EXOC4: variants seen among roughly 807,000 people sequenced by gnomAD.
EXOC4 encodes SEC8-like 1.
In EXOC4, 71 loss-of-function variants were observed where a neutral mutation model predicts 107.2. That is an observed-to-expected ratio of 0.66 (90% CI 0.55 to 0.81). The LOEUF is 0.81. Among genes scored for constraint, EXOC4 ranks in the 30% least tolerant of loss-of-function variants. The pLI, the probability that EXOC4 is intolerant of heterozygous loss-of-function variation, is 0.00. For missense variants in EXOC4, 1,108 were observed against 1,189.6 expected, an observed-to-expected ratio of 0.93 and a Z score of 1.01; for synonymous variants, 456 against 441.2, an observed-to-expected ratio of 1.03 and a Z score of -0.42.
chr7:133,428,071 C>T (rs967566879), intron 7 of EXOC4, among the ~76,000 whole-genome samples: 1 of 152,278 alleles, frequency 6.6e-6, no homozygotes, highest in Non-Finnish European at 1.5e-5. Context: ...AAAAGTGCTC[C>T]AGCCTAATGG....
chr7:133,740,583 C>T (rs969480174), intron 10 of EXOC4, among the ~76,000 whole-genome samples: 1 of 152,112 alleles, frequency 6.6e-6, no homozygotes, highest in African/African-American at 2.4e-5. Flanking sequence ...ACCTTCTTTC[C>T]CACGATGACA....
intron 9 of EXOC4, among the ~76,000 whole-genome samples, chr7:133,488,590 GA>G (rs1227927773): frequency 6.6e-6 from 1 of 151,894 alleles, no homozygotes; most frequent in Non-Finnish European, 1.5e-5. Flanking sequence ...ATGCATATAG[GA>G]AAAAAACAAA....
intron 10 of EXOC4, among the ~76,000 whole-genome samples, chr7:133,710,448 C>A (rs911915048): frequency 2.0e-5 from 3 of 151,854 alleles, no homozygotes; most frequent in African/African-American, 7.3e-5. Context: ...ATCACGAGGT[C>A]AGGAGATCGA....
intron 11 of EXOC4, among the ~76,000 whole-genome samples, chr7:133,842,870 AT>A (rs1465982709): frequency 4.6e-5 from 7 of 152,192 alleles, no homozygotes; most frequent in Non-Finnish European, 1.0e-4. Context: ...CTAGCCAGTT[AT>A]CCCAGCACCA....
intron 9 of EXOC4, among the ~76,000 whole-genome samples, chr7:133,497,653 A>G (rs192819263): frequency 1.4e-3 from 205 of 151,568 alleles, no homozygotes; most frequent in African/African-American, 4.8e-3. Flanking sequence ...CTGGTCTCAA[A>G]CCCCTGACCT....
At chr7:133,922,315 T>C (rs2116656604) in intron 13 of EXOC4, among the ~76,000 whole-genome samples, 1 of 152,290 alleles carries the variant, frequency 6.6e-6, no homozygotes, top group African/African-American at 2.4e-5. Flanking sequence ...TCTTTCTAGT[T>C]ACTGCCTGCC....
intron 5 of EXOC4, among the ~76,000 whole-genome samples, chr7:133,329,963 T>C (rs1161003): frequency 0.33 from 49,829 of 152,084 alleles, 10,195 homozygotes; most frequent in East Asian, 0.52. Flanking sequence ...CTGGGAGATC[T>C]GTTGCTCTCT....
chr7:134,089,940 GC>G, the EXOC4 span, among the ~76,000 whole-genome samples: 1 of 152,164 alleles, frequency 6.6e-6, no homozygotes, highest in African/African-American at 2.4e-5. Context: ...TGACCTTAAA[GC>G]ATTTAGTAAA....
At chr7:133,485,321 C>T (rs1006409620) in intron 9 of EXOC4, among the ~76,000 whole-genome samples, 11 of 151,684 alleles carry the variant, frequency 7.3e-5, no homozygotes, top group Middle Eastern at 3.4e-3. Flanking sequence ...TTGATCTTTC[C>T]GCTGTTTTTC....
At chr7:133,490,920 A>G (rs1449108261) in intron 9 of EXOC4, among the ~76,000 whole-genome samples, 2 of 152,222 alleles carry the variant, frequency 1.3e-5, no homozygotes, top group East Asian at 1.9e-4. Context: ...ATAGCATATT[A>G]TATTAGACTC....
intron 10 of EXOC4, 94 bp downstream of exon 10, chr7:133,630,235 C>A: frequency 3.2e-6 from 3 of 927,646 alleles, no homozygotes; most frequent in South Asian, 1.6e-5. Context: ...AGCACTGAAA[C>A]AAGTCATAAA....
At chr7:134,100,935 T>TC in the EXOC4 span, among the ~76,000 whole-genome samples, 1 of 124,326 alleles carries the variant, frequency 8.0e-6, no homozygotes, top group South Asian at 2.5e-4. Flanking sequence ...AGAGCAAGAC[T>TC]CCATCTAAAA....
intron 7 of EXOC4, among the ~76,000 whole-genome samples, chr7:133,404,251 C>T (rs1261750359): frequency 6.6e-6 from 1 of 152,134 alleles, no homozygotes; most frequent in African/African-American, 2.4e-5. Context: ...AGGCGCCCGC[C>T]ACTACGCCCG....
At chr7:133,514,484 C>T (rs1023433488) in intron 9 of EXOC4, among the ~76,000 whole-genome samples, 2 of 152,072 alleles carry the variant, frequency 1.3e-5, no homozygotes, top group Non-Finnish European at 2.9e-5. Flanking sequence ...ATACTTAAAA[C>T]AAGTAACTTT....
At chr7:133,885,936 G>A (rs1799076776) in intron 11 of EXOC4, among the ~76,000 whole-genome samples, 1 of 152,166 alleles carries the variant, frequency 6.6e-6, no homozygotes, top group African/African-American at 2.4e-5. Context: ...GCAGGAGGCA[G>A]AACTGAAGAG....
intron 14 of EXOC4, among the ~76,000 whole-genome samples, chr7:133,960,471 T>C (rs149637576): frequency 0.021 from 3,140 of 152,358 alleles, 50 homozygotes; most frequent in Middle Eastern, 0.034. Flanking sequence ...TGAATCCATC[T>C]GGTCTTGGAC....
intron 10 of EXOC4, among the ~76,000 whole-genome samples, chr7:133,698,538 C>T (rs1204672360): frequency 3.3e-5 from 5 of 149,278 alleles, no homozygotes; most frequent in African/African-American, 7.4e-5. Flanking sequence ...GCCAAAATCA[C>T]GCCACGGCAC....
At chr7:133,852,791 T>G (rs1798262926) in intron 11 of EXOC4, among the ~76,000 whole-genome samples, 1 of 152,222 alleles carries the variant, frequency 6.6e-6, no homozygotes, top group Non-Finnish European at 1.5e-5. Flanking sequence ...GAGTCTTGTT[T>G]GATAAAAAAC....
chr7:133,777,455 A>G (rs959627657), intron 10 of EXOC4, among the ~76,000 whole-genome samples: 28 of 152,344 alleles, frequency 1.8e-4, no homozygotes, highest in African/African-American at 6.7e-4. Context: ...ACCACAATGT[A>G]TAGAAAAATA....
Sources: gnomAD v4.1 joint callset for allele counts (sites outside exome capture counted in the v4.1 genomes callset) on GRCh38, gnomAD v4.1.1 for gene constraint, MANE v1.5 for transcripts, NCBI Gene and HGNC (gene_info 2026-07-23, HGNC 2026-07-21) for gene names.